The following ACVR1C variants were observed in gnomAD, a reference collection of about 807,000 sequenced individuals.
ACVR1C encodes activin A receptor type 1C.
ACVR1C carries 23 observed loss-of-function variants against 57.9 expected under a neutral mutation model. The observed-to-expected ratio is 0.40, with a 90% CI of 0.29 to 0.56. The LOEUF is 0.56. ACVR1C is among the 20% of genes least tolerant of loss of function. The probability of loss-of-function intolerance (pLI) is 0.50; values close to 1 mark genes in which losing one functional copy is unlikely to be tolerated. For synonymous variants in ACVR1C, 214 were observed against 215.3 expected, an observed-to-expected ratio of 0.99 and a Z score of 0.05; for missense variants, 480 against 607.9, an observed-to-expected ratio of 0.79 and a Z score of 2.21.
intron 2 of ACVR1C, among the ~76,000 whole-genome samples, chr2:157,580,049 A>G (rs1163409396): frequency 2.0e-5 from 3 of 148,840 alleles, no homozygotes; most frequent in Non-Finnish European, 3.0e-5. Flanking sequence ...CTCTTCCCCA[A>G]CCCCCGTCTT....
In ACVR1C at chr2:157,533,831, C is replaced by CAAA; in HGVS notation, c.*84_*86dup. 2 of 1,161,176 alleles carry CAAA rather than the reference C, an allele frequency of 1.7e-6. No individual in the cohort carries two copies. Among genetic ancestry groups the CAAA allele is most frequent in the Non-Finnish European group, 1.1e-6 (1 of 876,550 alleles). 71.9% of individuals were successfully genotyped at this position (1,161,176 alleles called of 1,614,324 possible). A position where few individuals can be genotyped will look rare whatever the true frequency, so the allele number is the denominator to read the frequency against. On this transcript the variant is annotated 3_prime_UTR_variant, in exon 9 of 9. Transcript: ENST00000243349. ...GTACTGTCTTATCTTTGAGGTAGAACAAAAAAAAAATGGCAAAAACATTCA... is the reference window on the plus strand; with the variant it reads ...GTACTGTCTTATCTTTGAGGTAGAACAAAAAAAAAAAAATGGCAAAAACATTCA...
chr2:157,618,856 T>G (rs1197419286), intron 1 of ACVR1C, among the ~76,000 whole-genome samples: 2 of 151,734 alleles, frequency 1.3e-5, no homozygotes, highest in African/African-American at 2.4e-5. Flanking sequence ...ATAATAATCC[T>G]AATTGTGTAT....
At chr2:157,596,797 T>C (rs951572364) in intron 1 of ACVR1C, among the ~76,000 whole-genome samples, 6 of 152,186 alleles carry the variant, frequency 3.9e-5, no homozygotes, top group Admixed American at 3.9e-4. Context: ...AAGAGTACTT[T>C]ACTACATGCC....
Position 157,554,000 on chromosome 2 carries a change from T to C in ACVR1C, c.544+2093A>G, listed in dbSNP as rs184634857. Among the ~76,000 whole-genome samples the C allele has an allele frequency of 4.5e-3, 676 of 151,694 alleles. 6 individuals carry two copies. The highest frequency in any genetic ancestry group is 0.015 in the African/African-American group (627 of 41,274). Reference sequence around the variant, plus strand: ...GAGTTTGAGACCAGCCTGGCCAACATGGTGAAACCCCATCTCTGCTAAAAA... The same window carrying C: ...GAGTTTGAGACCAGCCTGGCCAACACGGTGAAACCCCATCTCTGCTAAAAA... On this transcript the variant is annotated intron_variant, in intron 3 of 8. Coordinates refer to ENST00000243349, the MANE Select transcript of ACVR1C (RefSeq NM_145259.3).
chr2:157,560,396 C>T (rs1164244588), intron 2 of ACVR1C, among the ~76,000 whole-genome samples: 4 of 152,188 alleles, frequency 2.6e-5, no homozygotes, highest in African/African-American at 7.2e-5. Context: ...GAAAGTCAAT[C>T]CCTCAAGATG....
intron 4 of ACVR1C, among the ~76,000 whole-genome samples, chr2:157,547,712 A>G (rs1687802884): frequency 6.8e-6 from 1 of 147,174 alleles, no homozygotes; most frequent in Non-Finnish European, 1.5e-5. Context: ...TAGATTCTGG[A>G]TATTAGCCCT....
rs1682628552 is a variant in ACVR1C at position 157,615,612 on chromosome 2, G to A, written c.73+12960C>T. On this transcript the variant is annotated intron_variant, in intron 1 of 8. Transcript: ENST00000243349. ...GCTGGTCTCAAACTCCTAGGCACAA[G>A]TAATCCTTCCACCTTGGCCTCCCAA... Among the ~76,000 whole-genome samples, 6 of 152,186 alleles carry A rather than the reference G, an allele frequency of 3.9e-5. No homozygotes were observed. In the South Asian group the frequency reaches 1.2e-3, roughly 32 times the overall value.
chr2:157,580,285 A>G (rs1415325667), intron 2 of ACVR1C, among the ~76,000 whole-genome samples: 1 of 152,100 alleles, frequency 6.6e-6, no homozygotes, highest in Non-Finnish European at 1.5e-5. Flanking sequence ...CTCCTTTTAT[A>G]GCAGCTGGGT....
At chr2:157,627,992 T>C (rs924598102) in intron 1 of ACVR1C, among the ~76,000 whole-genome samples, 1 of 152,228 alleles carries the variant, frequency 6.6e-6, no homozygotes, top group Non-Finnish European at 1.5e-5. Context: ...GTAAAGATCG[T>C]ACCTCGAAAG....
In ACVR1C at chr2:157,544,384, A is replaced by G. The variant is rs928968244; in HGVS notation, c.943+61T>C. ...TTAATTACTCCTAATAAATTAAAAT[A>G]TAACTAAGTACCTCTATCCTCATAT... On this transcript the variant is annotated intron_variant, in intron 5 of 8. Transcript: ENST00000243349. 9 of 1,445,246 alleles carry G rather than the reference A, an allele frequency of 6.2e-6. No individual in the cohort carries two copies. In the South Asian group the frequency reaches 1.0e-4, roughly 16 times the overall value. The allele number at this position is 1,445,246 out of a possible 1,614,324, so 89.5% of individuals were successfully genotyped here. A position where few individuals can be genotyped will look rare whatever the true frequency, so the allele number is the denominator to read the frequency against.
At chr2:157,537,821 T>G (rs952771423) in intron 8 of ACVR1C, among the ~76,000 whole-genome samples, 1 of 152,192 alleles carries the variant, frequency 6.6e-6, no homozygotes, top group African/African-American at 2.4e-5. Flanking sequence ...AGAAAAAATC[T>G]CTATCTTCAC....
At chr2:157,538,485 T>A (rs898240662) in intron 8 of ACVR1C, 88 bp downstream of exon 8, 9 of 1,256,416 alleles carry the variant, frequency 7.2e-6, no homozygotes, top group Non-Finnish European at 9.4e-6. Context: ...TGGAATGAAT[T>A]GGAAAAACTA....
At position 157,542,804 on chromosome 2, in the gene ACVR1C, A is replaced by G; in HGVS notation, c.1002T>C (p.Cys334=). The G allele has an allele frequency of 6.2e-7, 1 of 1,614,076 alleles. No individual in the cohort carries two copies. The highest frequency in any genetic ancestry group is 1.3e-5 in the African/African-American group (1 of 75,032). The change falls in exon 6 of 9, where the codon TGT becomes TGC. Residue 334 remains cysteine (C), a synonymous_variant. Transcript: ENST00000243349. ...CTAAGTCCGCTATGGCACAAGTTTC[A>G]CACTTTTTCACTAAGATATTCTTTG... The part of the protein sequence containing the change: ...IKSKNILVKK[C]ETCAIADLGL...
chr2:157,554,264 A>AAAGAAAGG (rs1194277286), intron 3 of ACVR1C, among the ~76,000 whole-genome samples: 1 of 127,410 alleles, frequency 7.8e-6, no homozygotes, highest in Non-Finnish European at 1.6e-5. Context: ...AGAAAGAAAG[A>AAAGAAAGG]AAGAAAGGAA....
chr2:157,621,777 C>T (rs550444748), intron 1 of ACVR1C, among the ~76,000 whole-genome samples: 12 of 152,278 alleles, frequency 7.9e-5, no homozygotes, highest in Non-Finnish European at 1.8e-4. Context: ...GCTCCACAGC[C>T]TCTATGGCTT....
chr2:157,567,469 A>G (rs1688422182), intron 2 of ACVR1C, among the ~76,000 whole-genome samples: 1 of 34,090 alleles, frequency 2.9e-5, no homozygotes, highest in Non-Finnish European at 5.5e-5. Flanking sequence ...AAACTTTGAA[A>G]AAAATTTAGA....
At chr2:157,542,452 A>G (rs1177578881) in intron 6 of ACVR1C, among the ~76,000 whole-genome samples, 1 of 152,168 alleles carries the variant, frequency 6.6e-6, no homozygotes, top group Non-Finnish European at 1.5e-5. Context: ...ATAATACACT[A>G]CTATCTCTTC....
intron 4 of ACVR1C, 26 bp downstream of exon 4, chr2:157,550,136 G>C: frequency 6.3e-7 from 1 of 1,593,952 alleles, no homozygotes; most frequent in Non-Finnish European, 8.6e-7. Flanking sequence ...TTTTTTACTT[G>C]TTGAACACAA....
intron 1 of ACVR1C, among the ~76,000 whole-genome samples, chr2:157,612,771 G>A (rs1682562189): frequency 6.6e-6 from 1 of 152,146 alleles, no homozygotes; most frequent in Admixed American, 6.5e-5. Flanking sequence ...AGCACACAAC[G>A]CTTTTGGGTC....
Sources: allele counts gnomAD v4.1 joint callset (sites outside exome capture counted in the v4.1 genomes callset), GRCh38; gene constraint gnomAD v4.1.1; transcripts MANE v1.5; gene names NCBI Gene and HGNC (gene_info 2026-07-23, HGNC 2026-07-21).